PPM1L: variants seen among roughly 807,000 people sequenced by gnomAD.
PPM1L encodes the protein protein phosphatase 1L.
A neutral mutation model predicts 31.4 loss-of-function variants in PPM1L; 13 were observed. That is an observed-to-expected ratio of 0.41 (90% CI 0.27 to 0.66). The LOEUF is 0.66. PPM1L is among the 30% of genes least tolerant of loss of function. PPM1L has a pLI of 0.29. For missense variants in PPM1L, 326 were observed against 453.7 expected (o/e 0.72, Z 2.56); for synonymous variants, 184 against 175.4 (o/e 1.05, Z -0.39).
intron 2 of PPM1L, among the ~76,000 whole-genome samples, chr3:161,003,680 C>T (rs1326916613): frequency 6.6e-6 from 1 of 152,152 alleles, no homozygotes; most frequent in East Asian, 1.9e-4. Flanking sequence ...GATTTTTGTA[C>T]ATTGATTTTG....
chr3:160,928,349 C>T (rs1207899024), intron 1 of PPM1L, among the ~76,000 whole-genome samples: 1 of 152,198 alleles, frequency 6.6e-6, no homozygotes, highest in African/African-American at 2.4e-5. Flanking sequence ...GGCCTGGTAC[C>T]TCACCTCATC....
chr3:160,866,230 T>G (rs996200506), intron 1 of PPM1L, among the ~76,000 whole-genome samples: 3 of 152,238 alleles, frequency 2.0e-5, no homozygotes, highest in African/African-American at 7.2e-5. Flanking sequence ...CTGTATTTAG[T>G]ACTATACAAA....
At chr3:160,835,295 C>T (rs1261931170) in intron 1 of PPM1L, among the ~76,000 whole-genome samples, 1 of 151,534 alleles carries the variant, frequency 6.6e-6, no homozygotes, top group East Asian at 1.9e-4. Flanking sequence ...AGTTCCTTAG[C>T]TCTTAAGCAA....
At chr3:160,915,496 A>G (rs1393155262) in intron 1 of PPM1L, among the ~76,000 whole-genome samples, 2 of 149,006 alleles carry the variant, frequency 1.3e-5, no homozygotes, top group South Asian at 2.1e-4. Context: ...AAGGTAATTT[A>G]TAGATTCAAT....
intron 2 of PPM1L, among the ~76,000 whole-genome samples, chr3:160,981,183 A>T (rs1716785021): frequency 6.6e-6 from 1 of 152,218 alleles, no homozygotes; most frequent in Non-Finnish European, 1.5e-5. Flanking sequence ...GCTGCATAAC[A>T]AATTACTCCA....
At chr3:160,785,773 G>A (rs893279417) in intron 1 of PPM1L, among the ~76,000 whole-genome samples, 1 of 149,754 alleles carries the variant, frequency 6.7e-6, no homozygotes, top group African/African-American at 2.5e-5. Context: ...GGACATGTAA[G>A]TTGTTCCTTC....
At position 161,037,581 on chromosome 3, in the gene PPM1L, ATTTT is replaced by A. The variant is rs58432151; in HGVS notation, c.575-27804_575-27801del. On this transcript the variant is annotated intron_variant, in intron 2 of 3. Transcript: ENST00000498165. ...AGGCATGCGCCACCATGCCCGGCTA[ATTTT>A]TTTTTTTTTTTTTTTTTGGTATTTT... Among the ~76,000 whole-genome samples, 412 of 119,702 alleles carry A rather than the reference ATTTT, an allele frequency of 3.4e-3. 2 individuals carry two copies. The highest frequency in any genetic ancestry group is 0.013 in the African/African-American group (384 of 30,598). The allele number at this position is 119,702 out of a possible 152,430, so 78.5% of individuals were successfully genotyped here.
chr3:160,832,853 A>G (rs1008182924), intron 1 of PPM1L, among the ~76,000 whole-genome samples: 2 of 152,084 alleles, frequency 1.3e-5, no homozygotes, highest in Admixed American at 6.6e-5. Flanking sequence ...TGCTGCACCT[A>G]TCAACCCATC....
At chr3:161,000,847 A>G (rs990755019) in intron 2 of PPM1L, among the ~76,000 whole-genome samples, 2 of 152,230 alleles carry the variant, frequency 1.3e-5, no homozygotes, top group Admixed American at 1.3e-4. Context: ...TTCTATAAAT[A>G]CTTTACACAG....
At chr3:160,982,411 A>T (rs570730984) in intron 2 of PPM1L, among the ~76,000 whole-genome samples, 2 of 152,332 alleles carry the variant, frequency 1.3e-5, no homozygotes, top group African/African-American at 4.8e-5. Context: ...CAAGAAAAAA[A>T]AATGTCTCTC....
chr3:161,060,323 T>G lies in PPM1L; in HGVS notation c.575-5080T>G, dbSNP rs535893140. On this transcript the variant is annotated intron_variant, in intron 2 of 3. Coordinates refer to ENST00000498165, the MANE Select transcript of PPM1L (RefSeq NM_139245.4). ...CAAAGATGACAAAAAGGTTGGCATG[T>G]ATGGGCAACAGGAGGGAGGCCTTGA... 2.0e-5 allele frequency among the ~76,000 whole-genome samples: 3 copies of G among 152,196 alleles called. No homozygotes were observed. In the South Asian group the frequency reaches 6.2e-4, roughly 32 times the overall value.
intron 1 of PPM1L, among the ~76,000 whole-genome samples, chr3:160,907,946 G>A (rs1489695307): frequency 1.3e-5 from 2 of 152,208 alleles, no homozygotes; most frequent in Non-Finnish European, 2.9e-5. Context: ...GAATCCAGAA[G>A]GTAAGTGAGC....
chr3:160,963,658 A>G (rs1476889615), intron 2 of PPM1L, among the ~76,000 whole-genome samples: 3 of 151,984 alleles, frequency 2.0e-5, no homozygotes, highest in Non-Finnish European at 4.4e-5. Context: ...TTGTGAAGAG[A>G]AGGGGGATGC....
At chr3:160,986,574 A>G (rs1370894788) in intron 2 of PPM1L, among the ~76,000 whole-genome samples, 3 of 152,234 alleles carry the variant, frequency 2.0e-5, no homozygotes, top group African/African-American at 7.2e-5. Flanking sequence ...TGCCTGATAT[A>G]TGCTATAGTC....
Position 160,944,859 on chromosome 3 carries a change from A to T in PPM1L, c.400-16877A>T, listed in dbSNP as rs557230376. ...ATATATGTTATATATAACATATATTATATATAATGTTATATATAACATATA... is the reference window on the plus strand; with the variant it reads ...ATATATGTTATATATAACATATATTTTATATAATGTTATATATAACATATA... On this transcript the variant is annotated intron_variant, in intron 1 of 3. Transcript: ENST00000498165. 1.0e-3 allele frequency among the ~76,000 whole-genome samples: 40 copies of T among 39,926 alleles called. 4 individuals are homozygous for T. Among genetic ancestry groups the T allele is most frequent in the African/African-American group, 3.1e-3 (37 of 11,976 alleles). The allele number at this position is 39,926 out of a possible 152,430, so 26.2% of individuals were successfully genotyped here.
At chr3:161,013,396 T>C (rs1717961886) in intron 2 of PPM1L, among the ~76,000 whole-genome samples, 1 of 152,242 alleles carries the variant, frequency 6.6e-6, no homozygotes, top group Non-Finnish European at 1.5e-5. Context: ...AGACAGTTTG[T>C]TATAATTTCT....
intron 1 of PPM1L, among the ~76,000 whole-genome samples, chr3:160,828,678 A>AC (rs1465478584): frequency 1.3e-5 from 2 of 152,002 alleles, no homozygotes; most frequent in Non-Finnish European, 2.9e-5. Flanking sequence ...TGGTCATGGT[A>AC]CCACCCATAT....
Position 160,756,504 on chromosome 3 carries a change from A to G in PPM1L, c.196A>G (p.Ile66Val). 1 of 1,614,132 alleles carries G rather than the reference A, an allele frequency of 6.2e-7. No individual in the cohort carries two copies. The highest frequency in any genetic ancestry group is 8.5e-7 in the Non-Finnish European group (1 of 1,180,006). The change falls in exon 1 of 4, where the codon ATC (isoleucine) becomes GTC (valine). Residue 66 changes from isoleucine to valine, a missense_variant. Ile to Val is a conservative substitution (Grantham distance 29). Coordinates refer to ENST00000498165, the MANE Select transcript of PPM1L (RefSeq NM_139245.4). This position sits in a 1 kb window ranked among gnomAD's most constrained non-coding sequence, Gnocchi z 6.2. The stretch of plus-strand genomic sequence containing the variant: ...GATGGTGAAGGGCAAGGTAGCCGAG[A>G]TCATGCAGAACGATCGACTCGGGGG... The part of the protein sequence containing the change: ...VKMVKGKVAE[I>V]MQNDRLGGLD...
rs1178398028 is a variant in PPM1L, at chr3:160,835,080, T to TTCTTCTTCTTCTTCTTCC, written c.399+78380_399+78381insCTTCTTCTTCCTCTTCTT. 2.7e-5 allele frequency among the ~76,000 whole-genome samples: 4 copies of TTCTTCTTCTTCTTCTTCC among 149,548 alleles called. 1 individual carries two copies. The highest frequency in any genetic ancestry group is 9.9e-5 in the African/African-American group (4 of 40,444). ...CTTCTTCTTCTTCTTCTTCTTCTTC[T>TTCTTCTTCTTCTTCTTCC]TCTTCTTTCTTTTTTCTTTCTTCTT... is the stretch of plus-strand genomic sequence containing the variant. On this transcript the variant is annotated intron_variant, in intron 1 of 3. Coordinates refer to ENST00000498165, the MANE Select transcript of PPM1L (RefSeq NM_139245.4).
Sources: allele counts gnomAD v4.1 joint callset (sites outside exome capture counted in the v4.1 genomes callset), GRCh38; gene constraint gnomAD v4.1.1; non-coding constraint Gnocchi (gnomAD v3.1); transcripts MANE v1.5; gene names NCBI Gene and HGNC (gene_info 2026-07-23, HGNC 2026-07-21).